The following TMED6 variants were observed in gnomAD, a reference collection of about 807,000 sequenced individuals.
TMED6 encodes transmembrane p24 trafficking protein 6, also known as transmembrane emp24 domain-containing protein 6.
In TMED6, 17 loss-of-function variants were observed where a neutral mutation model predicts 26.5. The ratio of observed to expected loss-of-function variants is 0.64; its 90% CI spans 0.44 to 0.96. TMED6 has a LOEUF of 0.96. Ranked by LOEUF, TMED6 falls within the 40% of genes least tolerant of loss-of-function variation. The pLI is 0.00. For missense variants in TMED6, 309 were observed against 296.5 expected (o/e 1.04, Z -0.31); for synonymous variants, 107 against 106.2 (o/e 1.01, Z -0.04).
At position 69,343,407 on chromosome 16, in the gene TMED6, T is replaced by A; in HGVS notation, c.723A>T (p.Ter241TyrextTer15). ...GCCAGGGTGCTATAGTCACCTTAGC[T>A]TAGCATCTTGGCTTCTTTGTATCTG... The part of the protein sequence containing the change: ...TTTDTKKPRC[*>Y] Residue 241 changes from the stop codon to tyrosine (Y), a stop_lost, in exon 4 of 4, where the codon TAA (stop) becomes TAT (tyrosine). Transcript: ENST00000288025. The A allele has an allele frequency of 6.2e-7, 1 of 1,613,706 alleles. No homozygotes were observed. Among genetic ancestry groups the A allele is most frequent in the Non-Finnish European group, 8.5e-7 (1 of 1,179,688 alleles).
intron 1 of TMED6, among the ~76,000 whole-genome samples, chr16:69,351,302 C>T (rs939610992): frequency 1.3e-5 from 2 of 152,214 alleles, no homozygotes. Flanking sequence ...GGCACCCCGT[C>T]TGCCCCATGG....
rs772544178 is a variant in TMED6, at chr16:69,349,548, A to T, written c.317T>A (p.Ile106Asn). 10 of 1,613,852 alleles carry T rather than the reference A, an allele frequency of 6.2e-6. No individual in the cohort carries two copies. Among genetic ancestry groups the T allele is most frequent in the Non-Finnish European group, 1.7e-6 (2 of 1,179,912 alleles). ...ACCTGTCTCTTGGGTAGAGAAGTTA[A>T]TCTGGCCCCGAACACCCTGGGAGGT... ...IDTSQGVRGQINFSTQETGFY... is the reference protein window; with the variant it reads ...IDTSQGVRGQNNFSTQETGFY... The change falls in exon 2 of 4, where the codon ATT becomes AAT. Residue 106 changes from isoleucine (I) to asparagine (N), a missense_variant. Coordinates refer to ENST00000288025, the MANE Select transcript of TMED6 (RefSeq NM_144676.4).
At chr16:69,351,377 C>T (rs1352944044) in intron 1 of TMED6, among the ~76,000 whole-genome samples, 164 bp downstream of exon 1, 1 of 152,124 alleles carries the variant, frequency 6.6e-6, no homozygotes, top group Non-Finnish European at 1.5e-5. Context: ...GGTGATTATT[C>T]ACCCAGCTGG....
At chr16:69,349,360 C>G (rs2012739334) in intron 2 of TMED6, among the ~76,000 whole-genome samples, 165 bp downstream of exon 2, 1 of 152,196 alleles carries the variant, frequency 6.6e-6, no homozygotes, top group African/African-American at 2.4e-5. Flanking sequence ...AGTAGACTGC[C>G]ACTTGGCATC....
At chr16:69,349,102 A>C (rs1264232527) in intron 2 of TMED6, among the ~76,000 whole-genome samples, 1 of 152,218 alleles carries the variant, frequency 6.6e-6, no homozygotes, top group Non-Finnish European at 1.5e-5. Flanking sequence ...GAGTGTGGAT[A>C]TCTCACATGG....
intron 1 of TMED6, among the ~76,000 whole-genome samples, chr16:69,350,269 CAAAA>C (rs532374926): frequency 4.3e-5 from 3 of 70,150 alleles, no homozygotes; most frequent in Admixed American, 1.7e-4. Flanking sequence ...AACACTCTGT[CAAAA>C]AAAAAAAAAA....
Position 69,343,490 on chromosome 16 carries a change from G to C in TMED6, c.640C>G (p.Leu214Val), listed in dbSNP as rs550185131. 8.7e-6 allele frequency: 14 copies of C among 1,614,156 alleles called. No individual in the cohort carries two copies. The East Asian group carries it at 2.9e-4, about 33-fold the overall frequency. Residue 214 changes from leucine (L) to valine (V), a missense_variant, in exon 4 of 4, where the codon CTT becomes GTT. Coordinates refer to ENST00000288025, the MANE Select transcript of TMED6 (RefSeq NM_144676.4). ...AAATACAGTTGCAGGATCCCAGAAA[G>C]AATAATAACAAGGCTCTGGGCTGTC... is the stretch of plus-strand genomic sequence containing the variant. ...WSTAQSLVII[L>V]SGILQLYFLK...
chr16:69,343,364 A>G lies in TMED6; in HGVS notation c.*43T>C. 1 of 1,533,622 alleles carries G rather than the reference A, an allele frequency of 6.5e-7. No homozygotes were observed. Among genetic ancestry groups the G allele is most frequent in the Non-Finnish European group, 8.9e-7 (1 of 1,119,008 alleles). On this transcript the variant is annotated 3_prime_UTR_variant, in exon 4 of 4. Coordinates refer to ENST00000288025, the MANE Select transcript of TMED6 (RefSeq NM_144676.4). ...ATAACATTACAAAGCTGATTCGACT[A>G]AGCCCCAGAAGAAAACAGCCAGGGT...
chr16:69,347,711 C>G, intron 3 of TMED6, 77 bp downstream of exon 3: 2 of 1,580,958 alleles, frequency 1.3e-6, no homozygotes, highest in Non-Finnish European at 1.7e-6. Flanking sequence ...TGGTTTCTAC[C>G]TAAATGAAGT....
At chr16:69,349,337 C>A (rs952206613) in intron 2 of TMED6, among the ~76,000 whole-genome samples, 188 bp downstream of exon 2, 2 of 152,182 alleles carry the variant, frequency 1.3e-5, no homozygotes, top group African/African-American at 2.4e-5. Flanking sequence ...TGGAGTGTTG[C>A]CCCCAAATCG....
chr16:69,349,766 GA>G, intron 1 of TMED6, 115 bp from the exon 2 acceptor site: 1 of 1,368,694 alleles, frequency 7.3e-7, no homozygotes, highest in Non-Finnish European at 1.0e-6. Flanking sequence ...TCTGGGGTGG[GA>G]CTGCCCAACC....
Position 69,344,489 on chromosome 16 carries a change from G to C in TMED6, c.490-849C>G, listed in dbSNP as rs568016544. 3.6e-3 allele frequency among the ~76,000 whole-genome samples: 542 copies of C among 152,264 alleles called. 6 individuals are homozygous for C. The highest frequency in any genetic ancestry group is 0.012 in the African/African-American group (512 of 41,560). ...GGAGAGACTATTAAGAAAGTGAAAA[G>C]TGGCCGGGTGCAGTGGCTCATACCT... On this transcript the variant is annotated intron_variant, in intron 3 of 3. Transcript: ENST00000288025.
chr16:69,350,453 C>T (rs981858864), intron 1 of TMED6, among the ~76,000 whole-genome samples: 8 of 151,858 alleles, frequency 5.3e-5, no homozygotes, highest in African/African-American at 1.7e-4. Context: ...GCACATGCCA[C>T]CAAGCCCGGC....
rs766750290 is a variant in TMED6, at chr16:69,347,979, C to T, written c.341-43G>A. 6.8e-6 allele frequency: 11 copies of T among 1,605,920 alleles called. No homozygotes were observed. The African/African-American group carries it at 1.5e-4, about 22-fold the overall frequency. On this transcript the variant is annotated intron_variant, in intron 2 of 3. Transcript: ENST00000288025. ...TCATTACCAAGTCTTTGGTCTCCTC[C>T]CCTTTGTTAAGGATTCCCTGGAGGT...
rs2012781988 is a variant in TMED6 at position 69,351,765 on chromosome 16, G to T, written c.-12C>A. On this transcript the variant is annotated 5_prime_UTR_variant, in exon 1 of 4. Transcript: ENST00000288025. ...AGCAAAGGGGACATGCCGCTTTCTG[G>T]AGCCTCCTCTGCAGGTGAACTGCTC... 6.2e-7 allele frequency: 1 copy of T among 1,610,468 alleles called. No individual in the cohort carries two copies. The highest frequency in any genetic ancestry group is 8.5e-7 in the Non-Finnish European group (1 of 1,178,748).
intron 2 of TMED6, 91 bp downstream of exon 2, chr16:69,349,434 C>A (rs2012740495): frequency 6.9e-7 from 1 of 1,454,026 alleles, no homozygotes; most frequent in Non-Finnish European, 9.2e-7. Flanking sequence ...TTTTTTCCTA[C>A]TGTTAAAACA....
chr16:69,350,467 T>C (rs2012758815), intron 1 of TMED6, among the ~76,000 whole-genome samples: 1 of 151,736 alleles, frequency 6.6e-6, no homozygotes, highest in Non-Finnish European at 1.5e-5. Context: ...GCCCGGCTAA[T>C]TTTTGTATTT....
chr16:69,350,849 T>C (rs1016592767), intron 1 of TMED6, among the ~76,000 whole-genome samples: 10 of 152,106 alleles, frequency 6.6e-5, no homozygotes, highest in Admixed American at 2.0e-4. Flanking sequence ...TGGAGTAAGA[T>C]CAACAAAGTC....
chr16:69,343,760 C>A, intron 3 of TMED6, 120 bp from the exon 4 acceptor site: 1 of 753,988 alleles, frequency 1.3e-6, no homozygotes, highest in Admixed American at 2.4e-5. Context: ...TTAAGATGTA[C>A]AATACAATGA....
Sources: allele counts gnomAD v4.1 joint callset (sites outside exome capture counted in the v4.1 genomes callset), GRCh38; gene constraint gnomAD v4.1.1; transcripts MANE v1.5; gene names NCBI Gene and HGNC (gene_info 2026-07-23, HGNC 2026-07-21).